The following PGM5 variants were observed in gnomAD, a reference collection of about 807,000 sequenced individuals.
PGM5 encodes phosphoglucomutase 5, also known as phosphoglucomutase-like protein 5.
A neutral mutation model predicts 59.2 loss-of-function variants in PGM5; 23 were observed. The observed-to-expected ratio is 0.39, with a 90% confidence interval of 0.28 to 0.55. The LOEUF (loss-of-function observed/expected upper bound fraction) is 0.55, where lower values mean the gene tolerates loss of function less well. Among genes scored for constraint, PGM5 ranks in the 20% least tolerant of loss-of-function variants. PGM5 has a pLI of 0.66. For missense variants in PGM5, 574 were observed against 748.3 expected, an observed-to-expected ratio of 0.77 and a Z score of 2.72; for synonymous variants, 214 against 286.0, an observed-to-expected ratio of 0.75 and a Z score of 2.54.
At chr9:68,527,348 T>C (rs181841008) in intron 10 of PGM5, among the ~76,000 whole-genome samples, 2 of 152,352 alleles carry the variant, frequency 1.3e-5, no homozygotes, top group East Asian at 3.9e-4. Flanking sequence ...CTCTAAAACC[T>C]CAGCTAAAGT....
chr9:68,520,545 C>A (rs1435304993), intron 10 of PGM5, among the ~76,000 whole-genome samples: 1 of 152,162 alleles, frequency 6.6e-6, no homozygotes, highest in Non-Finnish European at 1.5e-5. Context: ...CGTGTAAATT[C>A]TTTTCATGCC....
At chr9:68,457,067 T>G (rs1823790774) in intron 6 of PGM5, among the ~76,000 whole-genome samples, 1 of 152,130 alleles carries the variant, frequency 6.6e-6, no homozygotes. Flanking sequence ...GTCATCTGAG[T>G]TTTTCTTATC....
At chr9:68,404,748 C>T (rs1822758726) in intron 6 of PGM5, among the ~76,000 whole-genome samples, 1 of 152,108 alleles carries the variant, frequency 6.6e-6, no homozygotes, top group Non-Finnish European at 1.5e-5. Context: ...GGGAAAACTC[C>T]TTGTAAGTTG....
intron 6 of PGM5, 41 bp from the exon 7 acceptor site, chr9:68,465,052 T>G (rs1554685691): frequency 1.5e-6 from 2 of 1,293,192 alleles, no homozygotes; most frequent in Non-Finnish European, 2.2e-6. Flanking sequence ...AAACAGAAAA[T>G]GAAATATATG....
chr9:68,483,943 C>T lies in PGM5; in HGVS notation c.1374C>T (p.Ser458=). The change falls in exon 9 of 11, where the codon TCC becomes TCT. Residue 458 remains serine (S), a synonymous_variant. Coordinates refer to ENST00000396396, the MANE Select transcript of PGM5 (RefSeq NM_021965.4). ...TGGAGGCCCTGGTCACAGACAAATC[C>T]TTCATTGGCCAGCAGTTTGCTGTGG... ...RDLEALVTDK[S]FIGQQFAVGS... The T allele has an allele frequency of 6.2e-7, 1 of 1,614,146 alleles. No individual in the cohort carries two copies. The highest frequency in any genetic ancestry group is 2.2e-5 in the East Asian group (1 of 44,876).
chr9:68,500,401 G>A (rs1403550328), intron 10 of PGM5, among the ~76,000 whole-genome samples: 1 of 151,892 alleles, frequency 6.6e-6, no homozygotes, highest in Non-Finnish European at 1.5e-5. Context: ...TGACCCTACA[G>A]CCAGAAGATC....
chr9:68,480,707 A>AG (rs1824183371), intron 8 of PGM5, among the ~76,000 whole-genome samples: 1 of 151,786 alleles, frequency 6.6e-6, no homozygotes. Flanking sequence ...TCAAAAAAAA[A>AG]AACAAAACAA....
chr9:68,438,687 T>G (rs1823479367), intron 6 of PGM5, among the ~76,000 whole-genome samples: 1 of 152,180 alleles, frequency 6.6e-6, no homozygotes, highest in Admixed American at 6.5e-5. Context: ...ACCAGTGAAC[T>G]GATGATGAGT....
At chr9:68,472,455 C>G (rs191304371) in intron 7 of PGM5, among the ~76,000 whole-genome samples, 1 of 152,272 alleles carries the variant, frequency 6.6e-6, no homozygotes, top group African/African-American at 2.4e-5. Flanking sequence ...AGGGACCCAG[C>G]TTCCATCTTG....
intron 7 of PGM5, among the ~76,000 whole-genome samples, chr9:68,477,865 G>A (rs538365143): frequency 6.6e-6 from 1 of 152,352 alleles, no homozygotes; most frequent in African/African-American, 2.4e-5. Context: ...AAAGGTAAAT[G>A]GCTGAGCCAG....
At chr9:68,393,454 A>G (rs1210891160) in intron 6 of PGM5, among the ~76,000 whole-genome samples, 2 of 152,094 alleles carry the variant, frequency 1.3e-5, no homozygotes, top group Admixed American at 1.3e-4. Flanking sequence ...ACTACCAATT[A>G]ATAAATTTTG....
intron 6 of PGM5, among the ~76,000 whole-genome samples, chr9:68,406,906 C>T (rs1365630262): frequency 2.6e-5 from 4 of 150,960 alleles, no homozygotes; most frequent in South Asian, 2.1e-4. Context: ...GCTCAGGCCC[C>T]GTCTTCCACA....
At chr9:68,484,110 G>C in intron 9 of PGM5, 62 bp downstream of exon 9, 1 of 1,409,066 alleles carries the variant, frequency 7.1e-7, no homozygotes, top group Admixed American at 1.7e-5. Context: ...AAATGTCCTA[G>C]AACTGGAGAG....
chr9:68,471,050 T>C (rs1016959818), intron 7 of PGM5, among the ~76,000 whole-genome samples: 7 of 152,366 alleles, frequency 4.6e-5, no homozygotes, highest in Non-Finnish European at 8.8e-5. Flanking sequence ...TTTCTTGGAA[T>C]CTCAATGGTC....
intron 6 of PGM5, among the ~76,000 whole-genome samples, chr9:68,408,258 A>T (rs1352278668): frequency 5.3e-5 from 8 of 152,200 alleles, no homozygotes; most frequent in Non-Finnish European, 1.0e-4. Flanking sequence ...CTCCTAGAGG[A>T]GATCACAGAG....
intron 6 of PGM5, chr9:68,402,311 C>G (rs1413712557): frequency 6.6e-6 from 1 of 151,442 alleles, no homozygotes; most frequent in African/African-American, 2.4e-5. Flanking sequence ...ATAAACTATA[C>G]CTTGATAAAG....
intron 10 of PGM5, among the ~76,000 whole-genome samples, chr9:68,510,001 T>TTAAC: frequency 6.6e-6 from 1 of 152,102 alleles, no homozygotes; most frequent in African/African-American, 2.4e-5. Context: ...AAACACCAGC[T>TTAAC]TAACAGCCAG....
chr9:68,390,247 G>A (rs2132009008), intron 4 of PGM5, among the ~76,000 whole-genome samples: 1 of 152,208 alleles, frequency 6.6e-6, no homozygotes, highest in African/African-American at 2.4e-5. Context: ...GAACTTTCAG[G>A]TTCTTGCCTT....
At chr9:68,443,631 T>G (rs1457737813) in intron 6 of PGM5, among the ~76,000 whole-genome samples, 1 of 152,190 alleles carries the variant, frequency 6.6e-6, no homozygotes, top group African/African-American at 2.4e-5. Context: ...TCCAAAAAGT[T>G]AGAACTTATT....
Sources: allele counts gnomAD v4.1 joint callset (sites outside exome capture counted in the v4.1 genomes callset), GRCh38; gene constraint gnomAD v4.1.1; transcripts MANE v1.5; gene names NCBI Gene and HGNC (gene_info 2026-07-23, HGNC 2026-07-21).